Variants in DYNC2H1 observed in about 807,000 individuals in gnomAD.
The protein encoded by DYNC2H1 is dynein cytoplasmic 2 heavy chain 1, also known as cytoplasmic dynein 2 heavy chain 1.
Under a neutral mutation model 570.0 loss-of-function variants are expected in DYNC2H1, and 410 were observed. The ratio of observed to expected loss-of-function variants is 0.72; its 90% CI spans 0.66 to 0.78. DYNC2H1 has a LOEUF of 0.78. Ranked by LOEUF, DYNC2H1 falls within the 30% of genes least tolerant of loss-of-function variation. DYNC2H1 has a pLI of 0.00. For synonymous variants in DYNC2H1, 1,688 were observed against 1,677.6 expected (o/e 1.01, Z -0.15); for missense variants, 4,865 against 5,046.4 (o/e 0.96, Z 1.09).
intron 87 of DYNC2H1, among the ~76,000 whole-genome samples, chr11:103,459,308 CAAAAAAAAAAA>C (rs33941099): frequency 7.6e-5 from 4 of 52,432 alleles, no homozygotes; most frequent in East Asian, 6.1e-4. Flanking sequence ...GACTCCGTCT[CAAAAAAAAAAA>C]AAAAAAAAAA....
Position 103,191,548 on chromosome 11 carries a change from G to T in DYNC2H1, c.7469G>T (p.Ser2490Ile). The T allele has an allele frequency of 6.2e-7, 1 of 1,609,032 alleles. No individual in the cohort carries two copies. The highest frequency in any genetic ancestry group is 1.1e-5 in the South Asian group (1 of 90,014). Residue 2490 changes from serine (S) to isoleucine (I), a missense_variant, in exon 46 of 89, where the codon AGT becomes ATT. This residue lies in a region of DYNC2H1 where 2,401 missense variants were observed against 2,454.6 expected (regional missense o/e 0.98). Coordinates refer to ENST00000375735, the MANE Select transcript of DYNC2H1 (RefSeq NM_001377.3). ...GCCAAATTTACAGTTGATGATTATA[G>T]TCACTATTTCTTTACTCCTTGCATT... Reference protein sequence around the residue: ...VRAKFTVDDYSHYFFTPCILT... With the variant: ...VRAKFTVDDYIHYFFTPCILT...
intron 84 of DYNC2H1, among the ~76,000 whole-genome samples, chr11:103,415,394 T>C (rs1242219289): frequency 2.0e-5 from 3 of 152,130 alleles, no homozygotes; most frequent in East Asian, 3.9e-4. Context: ...ACCTACAGAA[T>C]GGGAGAAAAT....
At chr11:103,287,153 T>A (rs894544444) in intron 74 of DYNC2H1, among the ~76,000 whole-genome samples, 1 of 146,138 alleles carries the variant, frequency 6.8e-6, no homozygotes, top group African/African-American at 2.5e-5. Context: ...ATTTTTTTTT[T>A]AAACGTAAAA....
At chr11:103,454,228 T>C (rs1682115631) in intron 85 of DYNC2H1, among the ~76,000 whole-genome samples, 1 of 152,142 alleles carries the variant, frequency 6.6e-6, no homozygotes, top group Non-Finnish European at 1.5e-5. Context: ...ACACATATTT[T>C]TCTAGGCTGT....
intron 9 of DYNC2H1, 121 bp from the exon 10 acceptor site, chr11:103,121,251 G>T (rs1374747037): frequency 8.4e-7 from 1 of 1,185,622 alleles, no homozygotes; most frequent in Non-Finnish European, 1.2e-6. Context: ...AGTCCTTGGG[G>T]ATAAGGACCA....
chr11:103,475,182 T>G (rs1945513204), intron 88 of DYNC2H1, among the ~76,000 whole-genome samples: 1 of 152,182 alleles, frequency 6.6e-6, no homozygotes, highest in Non-Finnish European at 1.5e-5. Flanking sequence ...TATGAACACA[T>G]CAACCATTTT....
intron 71 of DYNC2H1, among the ~76,000 whole-genome samples, chr11:103,281,046 T>C (rs1238981635): frequency 6.6e-6 from 1 of 152,102 alleles, no homozygotes; most frequent in Non-Finnish European, 1.5e-5. Flanking sequence ...GCTGTTATCA[T>C]AAAGTGAGAT....
Position 103,468,709 on chromosome 11 carries a change from A to G in DYNC2H1, c.12765+4A>G, listed in dbSNP as rs1365873206. ...TTTTATGGGCTGGATTCCACAGGTAATACATTTTTAACAAGCACAAGTTTT... is the reference window on the plus strand; with the variant it reads ...TTTTATGGGCTGGATTCCACAGGTAGTACATTTTTAACAAGCACAAGTTTT... On this transcript the variant is annotated splice_donor_region_variant and intron_variant, in intron 88 of 88. Transcript: ENST00000375735. 23 of 1,594,652 alleles carry G rather than the reference A, an allele frequency of 1.4e-5. No individual in the cohort carries two copies. The highest frequency in any genetic ancestry group is 2.0e-5 in the Non-Finnish European group (23 of 1,164,634).
At chr11:103,468,971 GATA>G (rs1002922130) in intron 88 of DYNC2H1, among the ~76,000 whole-genome samples, 101 of 152,284 alleles carry the variant, frequency 6.6e-4, no homozygotes, top group Non-Finnish European at 1.4e-3. Flanking sequence ...AGCCTTTAAT[GATA>G]ATAAGAACTA....
In DYNC2H1 at chr11:103,114,072, A is replaced by C. The variant is rs773169868; in HGVS notation, c.367-31A>C. On this transcript the variant is annotated intron_variant, in intron 2 of 88. Coordinates refer to ENST00000375735, the MANE Select transcript of DYNC2H1 (RefSeq NM_001377.3). ...AATTTGATTAGCAAAATTTTGATCA[A>C]TCTTGGTTGCTCTTGTCTGTTTTTA... The C allele has an allele frequency of 7.5e-6, 12 of 1,600,204 alleles. No individual in the cohort carries two copies. In the African/African-American group the frequency reaches 1.1e-4, roughly 14 times the overall value.
chr11:103,477,445 A>T (rs962915678), intron 88 of DYNC2H1, among the ~76,000 whole-genome samples: 1 of 152,166 alleles, frequency 6.6e-6, no homozygotes, highest in African/African-American at 2.4e-5. Context: ...CTAATCCTAT[A>T]TTTGAATTGG....
chr11:103,312,226 C>T (rs768079322), intron 79 of DYNC2H1, among the ~76,000 whole-genome samples, 193 bp downstream of exon 79: 35 of 151,598 alleles, frequency 2.3e-4, no homozygotes, highest in Non-Finnish European at 4.1e-4. Flanking sequence ...ACTAAAAATA[C>T]AAAATTAGCT....
intron 59 of DYNC2H1, among the ~76,000 whole-genome samples, chr11:103,223,750 GAT>G (rs1491586782): frequency 2.5e-5 from 1 of 39,904 alleles, no homozygotes; most frequent in Non-Finnish European, 5.2e-5. Context: ...TTTATTTATT[GAT>G]TTTTTTTTTT....
intron 83 of DYNC2H1, among the ~76,000 whole-genome samples, chr11:103,391,458 C>T (rs1011367909): frequency 2.0e-5 from 3 of 152,264 alleles, no homozygotes; most frequent in South Asian, 4.1e-4. Flanking sequence ...TCCTTTAGCT[C>T]GGAGAAGTTT....
chr11:103,218,026 T>G (rs987308489), intron 55 of DYNC2H1, among the ~76,000 whole-genome samples: 1 of 152,188 alleles, frequency 6.6e-6, no homozygotes, highest in African/African-American at 2.4e-5. Flanking sequence ...CTGCTACATA[T>G]CCACTAGAAT....
intron 18 of DYNC2H1, among the ~76,000 whole-genome samples, chr11:103,146,704 G>A (rs996531391): frequency 2.0e-5 from 3 of 152,042 alleles, no homozygotes; most frequent in African/African-American, 7.2e-5. Flanking sequence ...CTGGGTTCAA[G>A]CAATTCTCCT....
intron 84 of DYNC2H1, among the ~76,000 whole-genome samples, chr11:103,430,599 T>C: frequency 6.6e-6 from 1 of 152,148 alleles, no homozygotes; most frequent in Admixed American, 6.5e-5. Context: ...TAAAGGTTGA[T>C]TTAGTTTTAC....
intron 82 of DYNC2H1, among the ~76,000 whole-genome samples, chr11:103,332,244 G>C (rs914598122): frequency 7.5e-6 from 1 of 134,032 alleles, no homozygotes; most frequent in Non-Finnish European, 1.6e-5. Context: ...ACCAAGGAAA[G>C]AATCAGTGAA....
At chr11:103,136,203 T>C (rs1271528887) in intron 17 of DYNC2H1, among the ~76,000 whole-genome samples, 1 of 150,338 alleles carries the variant, frequency 6.7e-6, no homozygotes, top group Non-Finnish European at 1.5e-5. Flanking sequence ...TGGTTTTTTA[T>C]TTTTATTTTT....
Sources: gnomAD v4.1 joint callset for allele counts (sites outside exome capture counted in the v4.1 genomes callset) on GRCh38, gnomAD v4.1.1 for gene constraint, gnomAD v4.1.1 regional missense constraint, MANE v1.5 for transcripts, NCBI Gene and HGNC (gene_info 2026-07-23, HGNC 2026-07-21) for gene names.